The following NFASC variants were observed in gnomAD, a reference collection of about 807,000 sequenced individuals.
NFASC encodes the protein neurofascin.
Under a neutral mutation model 147.5 loss-of-function variants are expected in NFASC, and 43 were observed. That is an observed-to-expected ratio of 0.29 (90% CI 0.23 to 0.38). The LOEUF (loss-of-function observed/expected upper bound fraction) is 0.38, where lower values mean the gene tolerates loss of function less well. NFASC is among the 10% of genes least tolerant of loss of function. The pLI, the probability that NFASC is intolerant of heterozygous loss-of-function variation, is 1.00. For missense variants in NFASC, 1,320 were observed against 1,689.0 expected, an observed-to-expected ratio of 0.78 and a Z score of 3.83; for synonymous variants, 622 against 665.5, an observed-to-expected ratio of 0.93 and a Z score of 1.01.
chr1:204,911,919 A>G (rs1049336822), intron 1 of NFASC, among the ~76,000 whole-genome samples: 1 of 152,108 alleles, frequency 6.6e-6, no homozygotes, highest in African/African-American at 2.4e-5. Flanking sequence ...TAGAGTTTTC[A>G]TGGTAGTTTC....
intron 2 of NFASC, among the ~76,000 whole-genome samples, chr1:204,921,549 G>C (rs1040737803): frequency 6.6e-6 from 1 of 152,142 alleles, no homozygotes; most frequent in African/African-American, 2.4e-5. Context: ...TGGAGCTGGG[G>C]GGAGGGGCGT....
At chr1:204,890,701 C>T (rs2149031643) in intron 1 of NFASC, among the ~76,000 whole-genome samples, 1 of 152,072 alleles carries the variant, frequency 6.6e-6, no homozygotes, top group African/African-American at 2.4e-5. Flanking sequence ...TCCCGAGTGG[C>T]TGGAATTACA....
chr1:205,001,417 A>C, intron 26 of NFASC, 131 bp downstream of exon 26: 1 of 648,838 alleles, frequency 1.5e-6, no homozygotes, highest in Non-Finnish European at 2.9e-6. Context: ...TGGCTTAATT[A>C]TGGCTTAATG....
chr1:204,830,011 G>A (rs1210418931), intron 1 of NFASC, among the ~76,000 whole-genome samples: 2 of 22,812 alleles, frequency 8.8e-5, no homozygotes. Flanking sequence ...CATGGGGTGT[G>A]TGTGTGTGTG....
Position 205,016,099 on chromosome 1 carries a change from C to T in NFASC, c.3492-209C>T, listed in dbSNP as rs1387778470. Among the ~76,000 whole-genome samples the T allele has an allele frequency of 2.0e-5, 3 of 152,200 alleles. No individual in the cohort carries two copies. The East Asian group carries it at 5.8e-4, about 29-fold the overall frequency. On this transcript the variant is annotated intron_variant, in intron 29 of 29. Transcript: ENST00000339876. This position sits in a 1 kb window ranked among gnomAD's most constrained non-coding sequence, Gnocchi z 5.1. ...GGCTCCACTCCCTGCCCTGCCCTGA[C>T]CTGCAACCTCACCTTAGAGAAGGTG...
chr1:204,936,482 G>A (rs1477564241), intron 2 of NFASC, among the ~76,000 whole-genome samples: 11 of 152,248 alleles, frequency 7.2e-5, no homozygotes, highest in East Asian at 3.9e-4. Context: ...GATTACAGGC[G>A]TGAGCCACCA....
intron 1 of NFASC, among the ~76,000 whole-genome samples, chr1:204,917,920 G>T (rs979938364): frequency 1.3e-5 from 2 of 152,164 alleles, no homozygotes; most frequent in African/African-American, 4.8e-5. Context: ...GATGGTCATT[G>T]TTTCTAGGCC....
chr1:204,882,594 G>A (rs533897692), intron 1 of NFASC, among the ~76,000 whole-genome samples: 2 of 151,900 alleles, frequency 1.3e-5, no homozygotes, highest in African/African-American at 2.4e-5. Flanking sequence ...TTCATGGCCC[G>A]TCTCCCCCAC....
At chr1:204,902,013 T>A (rs1222153769) in intron 1 of NFASC, among the ~76,000 whole-genome samples, 2 of 152,022 alleles carry the variant, frequency 1.3e-5, no homozygotes, top group African/African-American at 4.8e-5. Context: ...AGAACCCCAG[T>A]TTCTCTAAAA....
intron 1 of NFASC, among the ~76,000 whole-genome samples, chr1:204,844,340 T>C (rs1676338968): frequency 6.6e-6 from 1 of 152,204 alleles, no homozygotes; most frequent in South Asian, 2.1e-4. Flanking sequence ...AGTTAGCTGT[T>C]GTATTCTTGC....
At position 204,970,040 on chromosome 1, in the gene NFASC, C is replaced by T. The variant is rs567103347; in HGVS notation, c.1004-576C>T. Among the ~76,000 whole-genome samples, 15 of 136,832 alleles carry T rather than the reference C, an allele frequency of 1.1e-4. 1 individual carries two copies. In the South Asian group the frequency reaches 1.6e-3, roughly 14 times the overall value. 89.8% of individuals were successfully genotyped at this position (136,832 alleles called of 152,430 possible). A position where few individuals can be genotyped will look rare whatever the true frequency, so the allele number is the denominator to read the frequency against. On this transcript the variant is annotated intron_variant, in intron 10 of 29. Transcript: ENST00000339876. ...GCAGTGAGCCAAGATTGCGCCACTG[C>T]GCCCCAGCCTGGCGACAGAGCAAGA...
Position 205,020,929 on chromosome 1 carries a change from T to G in NFASC, c.*4390T>G, listed in dbSNP as rs1211929741. On this transcript the variant is annotated 3_prime_UTR_variant, in exon 30 of 30. Coordinates refer to ENST00000339876, the MANE Select transcript of NFASC (RefSeq NM_001005388.3). The stretch of plus-strand genomic sequence containing the variant: ...AGCCAAACACACAAAAGCCCATGGT[T>G]GCGGTTGCATCTACACCGTTAGTTG... The G allele has an allele frequency of 6.6e-6, 1 of 152,022 alleles. No homozygotes were observed. The highest frequency in any genetic ancestry group is 1.5e-5 in the Non-Finnish European group (1 of 68,044). The allele number at this position is 152,022 out of a possible 1,614,324, so 9.4% of individuals were successfully genotyped here.
chr1:204,918,474 G>T (rs569117800), intron 1 of NFASC, among the ~76,000 whole-genome samples: 1 of 152,138 alleles, frequency 6.6e-6, no homozygotes, highest in Admixed American at 6.5e-5. Flanking sequence ...CCCTGATAAG[G>T]ATATGCAGTC....
At chr1:204,898,681 G>A (rs896844377) in intron 1 of NFASC, among the ~76,000 whole-genome samples, 1 of 152,190 alleles carries the variant, frequency 6.6e-6, no homozygotes, top group African/African-American at 2.4e-5. Context: ...CGGGGGAGCA[G>A]AGACCCAGTG....
intron 28 of NFASC, among the ~76,000 whole-genome samples, chr1:205,012,014 G>A (rs563359783): frequency 2.0e-5 from 3 of 152,324 alleles, no homozygotes; most frequent in East Asian, 3.9e-4. Flanking sequence ...GGGAGGCAGA[G>A]GTTGCAGTGA....
intron 21 of NFASC, among the ~76,000 whole-genome samples, chr1:204,983,304 G>C (rs555169399): frequency 1.3e-5 from 2 of 152,268 alleles, no homozygotes; most frequent in East Asian, 3.9e-4. Context: ...TCCTGAACTA[G>C]ATTAGGGCAT....
intron 1 of NFASC, among the ~76,000 whole-genome samples, chr1:204,875,721 T>C (rs1003058601): frequency 6.6e-6 from 1 of 152,094 alleles, no homozygotes; most frequent in African/African-American, 2.4e-5. Flanking sequence ...TAGGAGAAGA[T>C]GTAAGTGACA....
In NFASC at chr1:204,889,690, A is replaced by C. The variant is rs552163612; in HGVS notation, c.-199-30942A>C. The stretch of plus-strand genomic sequence containing the variant: ...TAGACGTCCGCCCCCAGTGTGCAAT[A>C]TCCTTGTTTCCTTTCCTCAATTAGA... On this transcript the variant is annotated intron_variant, in intron 1 of 29. Transcript: ENST00000339876. Among the ~76,000 whole-genome samples the C allele has an allele frequency of 6.1e-4, 93 of 152,144 alleles. 3 individuals carry two copies. The South Asian group carries it at 0.019, about 31-fold the overall frequency.
intron 22 of NFASC, 142 bp from the exon 23 acceptor site, chr1:204,988,491 C>T: frequency 1.4e-6 from 1 of 735,342 alleles, no homozygotes; most frequent in East Asian, 2.7e-5. Context: ...GCCTTTGAAC[C>T]AAGCCTTTAA....
Sources: gnomAD v4.1 joint callset for allele counts (sites outside exome capture counted in the v4.1 genomes callset) on GRCh38, gnomAD v4.1.1 for gene constraint, Gnocchi (gnomAD v3.1) non-coding constraint, MANE v1.5 for transcripts, NCBI Gene and HGNC (gene_info 2026-07-23, HGNC 2026-07-21) for gene names.